The following LPIN1 variants were observed in gnomAD, a reference collection of about 807,000 sequenced individuals.
LPIN1 encodes the protein lipin 1, also known as phosphatidate phosphatase LPIN1.
In LPIN1, 71 loss-of-function variants were observed where a neutral mutation model predicts 107.5. The observed-to-expected ratio is 0.66, with a 90% CI of 0.55 to 0.80. LPIN1 has a LOEUF of 0.80. LPIN1 is among the 30% of genes least tolerant of loss of function. LPIN1 has a pLI of 0.00. For missense variants in LPIN1, 1,043 were observed against 1,160.6 expected (o/e 0.90, Z 1.47); for synonymous variants, 445 against 452.6 (o/e 0.98, Z 0.21).
intron 20 of LPIN1, among the ~76,000 whole-genome samples, chr2:11,823,735 A>G (rs2148741979): frequency 6.6e-6 from 1 of 152,368 alleles, no homozygotes; most frequent in East Asian, 1.9e-4. Flanking sequence ...TATTCAATAT[A>G]GCAATAGCAA....
chr2:11,738,266 A>G (rs1244771051), intron 1 of LPIN1, among the ~76,000 whole-genome samples: 6 of 152,034 alleles, frequency 3.9e-5, no homozygotes. Context: ...GGATAGCATT[A>G]GGAGAAACAC....
chr2:11,788,484 G>A (rs1048831547), intron 12 of LPIN1, 28 bp downstream of exon 12: 1 of 1,565,788 alleles, frequency 6.4e-7, no homozygotes, highest in South Asian at 1.1e-5. Flanking sequence ...AAAGAAAAGG[G>A]GATGCTAGAA....
At chr2:11,752,433 A>ATTTTTTTTTTTT (rs34156190) in intron 1 of LPIN1, among the ~76,000 whole-genome samples, 1,721 of 103,688 alleles carry the variant, frequency 0.017, 325 homozygotes, top group African/African-American at 0.086. Flanking sequence ...TTCCAAGGCC[A>ATTTTTTTTTTTT]TTTTTTTTTT....
chr2:11,693,959 C>A (rs1045844770), intron 1 of LPIN1, among the ~76,000 whole-genome samples: 3 of 149,098 alleles, frequency 2.0e-5, no homozygotes, highest in African/African-American at 7.4e-5. Context: ...CTCAGCCTCC[C>A]GAATAGCTGG....
chr2:11,822,851 G>T (rs556992463), intron 20 of LPIN1, among the ~76,000 whole-genome samples: 1 of 152,198 alleles, frequency 6.6e-6, no homozygotes, highest in African/African-American at 2.4e-5. Context: ...TGGCCTCTGC[G>T]GTCATTGCAT....
intron 1 of LPIN1, among the ~76,000 whole-genome samples, chr2:11,699,953 A>T (rs933035625): frequency 1.3e-4 from 20 of 151,902 alleles, no homozygotes; most frequent in Non-Finnish European, 2.6e-4. Flanking sequence ...AAAAAATGGG[A>T]TGTAATACCC....
At chr2:11,728,588 G>A (rs1664888200) in intron 1 of LPIN1, among the ~76,000 whole-genome samples, 1 of 152,092 alleles carries the variant, frequency 6.6e-6, no homozygotes, top group Non-Finnish European at 1.5e-5. Context: ...GTTTCACCAT[G>A]TTGCCCAGGC....
chr2:11,770,471 T>C (rs1283773134), intron 3 of LPIN1, among the ~76,000 whole-genome samples: 2 of 152,176 alleles, frequency 1.3e-5, no homozygotes, highest in Non-Finnish European at 2.9e-5. Context: ...GATCTGAGAA[T>C]CTGTGCTGCT....
At chr2:11,735,020 G>A (rs553270163) in intron 1 of LPIN1, among the ~76,000 whole-genome samples, 3 of 152,248 alleles carry the variant, frequency 2.0e-5, no homozygotes, top group South Asian at 4.2e-4. Flanking sequence ...GGCTGGGCGC[G>A]GTGGCTCATG....
intron 1 of LPIN1, among the ~76,000 whole-genome samples, chr2:11,700,798 G>A (rs1011560656): frequency 1.3e-5 from 2 of 152,174 alleles, no homozygotes; most frequent in African/African-American, 2.4e-5. Flanking sequence ...AGCACAGCAC[G>A]GAGCACACGA....
upstream of LPIN1, among the ~76,000 whole-genome samples, chr2:11,743,048 C>T (rs1021492586): frequency 3.3e-5 from 5 of 152,220 alleles, no homozygotes; most frequent in Admixed American, 6.5e-5. This position sits in a 1 kb window ranked among gnomAD's most constrained non-coding sequence, Gnocchi z 4.7. Context: ...CATCAGTGCA[C>T]GGCCCTTCAG....
At chr2:11,725,585 T>C (rs2148539739) in intron 1 of LPIN1, among the ~76,000 whole-genome samples, 1 of 152,324 alleles carries the variant, frequency 6.6e-6, no homozygotes, top group East Asian at 1.9e-4. Context: ...CCCTAGAATT[T>C]TATGTAACCC....
At chr2:11,768,884 C>G (rs1008872482) in intron 3 of LPIN1, among the ~76,000 whole-genome samples, 1 of 151,902 alleles carries the variant, frequency 6.6e-6, no homozygotes, top group Non-Finnish European at 1.5e-5. Context: ...TGCAGTGAGC[C>G]GAGATCGCGC....
intron 20 of LPIN1, among the ~76,000 whole-genome samples, chr2:11,823,425 A>G (rs1182633420): frequency 2.6e-5 from 4 of 152,232 alleles, no homozygotes; most frequent in Non-Finnish European, 4.4e-5. Flanking sequence ...AAGGAAAGAC[A>G]TAACTCTTGG....
chr2:11,701,483 C>T (rs1365717946), intron 1 of LPIN1, among the ~76,000 whole-genome samples: 1 of 152,132 alleles, frequency 6.6e-6, no homozygotes, highest in African/African-American at 2.4e-5. Flanking sequence ...TGTCACAGCG[C>T]CGGCCCAGGT....
Position 11,737,713 on chromosome 2 carries a change from G to A in LPIN1, c.-71-3636G>A, listed in dbSNP as rs191197458. 4.1e-3 allele frequency among the ~76,000 whole-genome samples: 620 copies of A among 152,242 alleles called. 4 individuals carry two copies. Among genetic ancestry groups the A allele is most frequent in the African/African-American group, 0.014 (585 of 41,552 alleles). The stretch of plus-strand genomic sequence containing the variant: ...ACCATCTCACGCCAGTTAGAATGGC[G>A]ATCATCAAAAAGTCAGGAAACAACA... On this transcript the variant is annotated intron_variant, in intron 1 of 21. Transcript: ENST00000396097.
intron 1 of LPIN1, among the ~76,000 whole-genome samples, chr2:11,759,386 T>C (rs1558821373): frequency 6.6e-6 from 1 of 152,044 alleles, no homozygotes; most frequent in African/African-American, 2.4e-5. Context: ...TGATGACTCT[T>C]AACGAGCCTG....
intron 1 of LPIN1, among the ~76,000 whole-genome samples, chr2:11,711,844 C>T: frequency 6.6e-6 from 1 of 152,226 alleles, no homozygotes; most frequent in East Asian, 1.9e-4. Flanking sequence ...CAGATTTGAT[C>T]ATCCCTCTCC....
chr2:11,741,310 G>T (rs994539921), intron 1 of LPIN1: 1 of 1,434,398 alleles, frequency 7.0e-7, no homozygotes, highest in African/African-American at 1.4e-5. Context: ...ACACTGGAGA[G>T]AAAAAGAACA....
Sources: gnomAD v4.1 joint callset for allele counts (sites outside exome capture counted in the v4.1 genomes callset) on GRCh38, gnomAD v4.1.1 for gene constraint, Gnocchi (gnomAD v3.1) non-coding constraint, MANE v1.5 for transcripts, NCBI Gene and HGNC (gene_info 2026-07-23, HGNC 2026-07-21) for gene names.